The following PCDH19 variants were observed in gnomAD, a reference collection of about 807,000 sequenced individuals.
The protein encoded by PCDH19 is protocadherin 19.
PCDH19 carries 6 observed loss-of-function variants against 46.2 expected under a neutral mutation model. The observed-to-expected ratio is 0.13, with a 90% CI of 0.07 to 0.26. The LOEUF (loss-of-function observed/expected upper bound fraction) is 0.26, where lower values mean the gene tolerates loss of function less well. PCDH19 is among the 10% of genes least tolerant of loss of function. The pLI is 1.00. For missense variants in PCDH19, 740 were observed against 972.3 expected (o/e 0.76, Z 3.18); for synonymous variants, 481 against 415.7 (o/e 1.16, Z -1.91).
intron 5 of PCDH19, among the ~76,000 whole-genome samples, chrX:100,304,611 T>A (rs1924882403): frequency 8.9e-6 from 1 of 111,778 alleles, no homozygotes; most frequent in South Asian, 3.8e-4. Flanking sequence ...GAAGGTCAAT[T>A]ACTAAGCTAA....
chrX:100,354,949 A>C (rs964379192), intron 3 of PCDH19, among the ~76,000 whole-genome samples: 8 of 111,555 alleles, frequency 7.2e-5, no homozygotes, highest in Admixed American at 9.5e-5. Context: ...ACATTAAAAA[A>C]AAATGGGTCT....
Position 100,408,567 on chromosome X carries a change from G to T in PCDH19, c.31C>A (p.Leu11Met), listed in dbSNP as rs775517393. The T allele has an allele frequency of 2.5e-6, 3 of 1,187,483 alleles. No individual in the cohort carries two copies. Among genetic ancestry groups the T allele is most frequent in the Middle Eastern group, 2.4e-4 (1 of 4,122 alleles). The change falls in exon 1 of 6, where the codon CTG becomes ATG. Residue 11 changes from leucine to methionine, a missense_variant. This residue lies in a region of PCDH19 where 81 missense variants were observed against 96.5 expected (regional missense o/e 0.84). Transcript: ENST00000373034. MESLLLPVLL[L>M]LAILWTQAAA... ...GCCTGCGTCCACAGTATGGCCAGCA[G>T]CAGCAGCACCGGCAGCAGGAGCGAC...
At chrX:100,301,760 G>A (rs1454167298) in intron 5 of PCDH19, among the ~76,000 whole-genome samples, 1 of 111,883 alleles carries the variant, frequency 8.9e-6, no homozygotes, top group African/African-American at 3.3e-5. Context: ...CCTAATTGTT[G>A]AGAAGTACAC....
intron 1 of PCDH19, among the ~76,000 whole-genome samples, chrX:100,405,558 T>TCCCCCCCCCCCCCC (rs1244771893): frequency 1.2e-5 from 1 of 80,968 alleles, no homozygotes; most frequent in African/African-American, 5.3e-5. Context: ...CCTCTCTCTC[T>TCCCCCCCCCCCCCC]CCCTCCCCCC....
At chrX:100,349,507 G>A (rs147306030) in intron 4 of PCDH19, among the ~76,000 whole-genome samples, 4 of 112,016 alleles carry the variant, frequency 3.6e-5, no homozygotes, top group African/African-American at 9.7e-5. Context: ...AGGGGTTACT[G>A]AAGCCTCATG....
chrX:100,403,057 C>T (rs1292601305), intron 2 of PCDH19, among the ~76,000 whole-genome samples: 2 of 111,139 alleles, frequency 1.8e-5, no homozygotes, highest in Non-Finnish European at 1.9e-5. Context: ...ACATAGTAAC[C>T]TCCCACCAAC....
intron 4 of PCDH19, among the ~76,000 whole-genome samples, chrX:100,348,263 C>A (rs988148191): frequency 1.8e-4 from 20 of 111,265 alleles, no homozygotes; most frequent in African/African-American, 6.5e-4. Context: ...TACAGCAAAA[C>A]CCTTTTCAAA....
rs771012472 is a variant in PCDH19, at chrX:100,403,636, C to T, written c.2176G>A (p.Gly726Ser). The T allele has an allele frequency of 1.6e-5, 19 of 1,204,024 alleles. No homozygotes were observed. The highest frequency in any genetic ancestry group is 2.0e-5 in the Non-Finnish European group (18 of 891,929). ...SNCLTITCLL[G>S]CFIKGQNSKC... The stretch of plus-strand genomic sequence containing the variant: ...CTGTTTTGTCCTTTTATAAAACAGC[C>T]GAGGAGACAAGTGATGGTTAAACAA... Residue 726 changes from glycine (G) to serine (S), a missense_variant, in exon 2 of 6, where the codon GGC becomes AGC. This residue lies in a region of PCDH19 where 416 missense variants were observed against 476.8 expected (regional missense o/e 0.87). Transcript: ENST00000373034.
chrX:100,343,122 CCGCCTTCAG>C (rs1926301754), intron 4 of PCDH19, among the ~76,000 whole-genome samples: 1 of 111,280 alleles, frequency 9.0e-6, no homozygotes. Flanking sequence ...TAATCATCTC[CCGCCTTCAG>C]CGCTCCTGGT....
At chrX:100,389,656 A>T (rs2147522812) in intron 3 of PCDH19, among the ~76,000 whole-genome samples, 1 of 111,827 alleles carries the variant, frequency 8.9e-6, no homozygotes, top group African/African-American at 3.2e-5. Context: ...TACATCTTAA[A>T]TATACACAAT....
At chrX:100,361,768 G>C (rs961082856) in intron 3 of PCDH19, among the ~76,000 whole-genome samples, 2 of 111,202 alleles carry the variant, frequency 1.8e-5, no homozygotes, top group African/African-American at 6.6e-5. Flanking sequence ...GAGTCTTCCT[G>C]CCAGGTCCTG....
In PCDH19 at chrX:100,410,119, C is replaced by G; in HGVS notation, c.-1522G>C. On this transcript the variant is annotated 5_prime_UTR_variant, in exon 1 of 6. Transcript: ENST00000373034. ...CGGAGCGCAACGCGCCAAGGGCCAG[C>G]GCCGGGCTAGGGACGCGGGTGCCAG... The G allele has an allele frequency of 3.4e-6, 1 of 297,469 alleles. No individual in the cohort carries two copies. Among genetic ancestry groups the G allele is most frequent in the Non-Finnish European group, 5.9e-6 (1 of 170,338 alleles). The allele number at this position is 297,469 out of a possible 1,213,427, so 24.5% of individuals were successfully genotyped here.
At chrX:100,319,212 T>C (rs1158326747) in intron 5 of PCDH19, among the ~76,000 whole-genome samples, 1 of 111,139 alleles carries the variant, frequency 9.0e-6, no homozygotes, top group African/African-American at 3.3e-5. Flanking sequence ...GAGAGGGGAA[T>C]TGGAGTGGAG....
chrX:100,369,717 T>C (rs1569304081), intron 3 of PCDH19, among the ~76,000 whole-genome samples: 1 of 111,811 alleles, frequency 8.9e-6, no homozygotes, highest in Non-Finnish European at 1.9e-5. Context: ...GTTCCACAAG[T>C]GATGTGGTCT....
chrX:100,366,049 G>A (rs190303953), intron 3 of PCDH19, among the ~76,000 whole-genome samples: 2 of 111,966 alleles, frequency 1.8e-5, no homozygotes, highest in Non-Finnish European at 3.8e-5. Context: ...TGTAGAAAGA[G>A]GATGTATGAT....
intron 5 of PCDH19, among the ~76,000 whole-genome samples, chrX:100,341,662 C>CACATG (rs1292384693): frequency 9.0e-6 from 1 of 111,588 alleles, no homozygotes; most frequent in Non-Finnish European, 1.9e-5. Context: ...ATGTAATATG[C>CACATG]ACATGTAGTC....
chrX:100,307,791 T>A (rs1164863629), intron 5 of PCDH19, among the ~76,000 whole-genome samples: 1 of 110,969 alleles, frequency 9.0e-6, no homozygotes, highest in East Asian at 2.8e-4. Flanking sequence ...CAACCTCTTT[T>A]ACAACAGATG....
chrX:100,395,762 G>A (rs1928010826), intron 3 of PCDH19, among the ~76,000 whole-genome samples: 1 of 113,289 alleles, frequency 8.8e-6, no homozygotes, highest in South Asian at 3.6e-4. Context: ...CCCCTGGGGG[G>A]CACAGGGAGG....
At chrX:100,311,045 T>C (rs757634643) in intron 5 of PCDH19, among the ~76,000 whole-genome samples, 4 of 108,506 alleles carry the variant, frequency 3.7e-5, no homozygotes, top group Non-Finnish European at 7.6e-5. Flanking sequence ...AGAATCTCAC[T>C]ATGTTGCTCA....
Sources: allele counts gnomAD v4.1 joint callset (sites outside exome capture counted in the v4.1 genomes callset), GRCh38; gene constraint gnomAD v4.1.1; regional missense constraint gnomAD v4.1.1; transcripts MANE v1.5; gene names NCBI Gene and HGNC (gene_info 2026-07-23, HGNC 2026-07-21).